Variants in FGF14 observed in about 807,000 individuals in gnomAD.
FGF14 encodes the protein fibroblast growth factor homologous factor 4.
In FGF14, 5 loss-of-function variants were observed where a neutral mutation model predicts 25.5. The observed-to-expected ratio is 0.20, with a 90% confidence interval of 0.10 to 0.41. The LOEUF (loss-of-function observed/expected upper bound fraction) is 0.41. Ranked by LOEUF, FGF14 falls within the 10% of genes least tolerant of loss-of-function variation. FGF14 has a pLI of 1.00. For synonymous variants in FGF14, 138 were observed against 118.3 expected (o/e 1.17, Z -1.08); for missense variants, 222 against 320.1 (o/e 0.69, Z 2.34).
At chr13:101,844,256 T>C (rs991287806) in intron 3 of FGF14, among the ~76,000 whole-genome samples, 6 of 151,998 alleles carry the variant, frequency 3.9e-5, no homozygotes, top group African/African-American at 1.2e-4. Context: ...GGAAAAGTAG[T>C]ATAATCAGTG....
intron 3 of FGF14, among the ~76,000 whole-genome samples, chr13:101,736,294 A>C (rs1227918764): frequency 6.6e-6 from 1 of 152,220 alleles, no homozygotes; most frequent in East Asian, 1.9e-4. Flanking sequence ...TCAAAAGAGA[A>C]ATAATAAAAT....
chr13:101,827,080 A>T (rs1051922527), intron 3 of FGF14, among the ~76,000 whole-genome samples: 1 of 152,018 alleles, frequency 6.6e-6, no homozygotes. Flanking sequence ...GCTTCCAGCT[A>T]GAAGAGAAAG....
chr13:102,044,908 G>C (rs1178741689), intron 1 of FGF14, among the ~76,000 whole-genome samples: 1 of 152,060 alleles, frequency 6.6e-6, no homozygotes, highest in Non-Finnish European at 1.5e-5. Flanking sequence ...AAATTTTGCC[G>C]ATGTTGGTGT....
chr13:101,985,502 G>C (rs560770112), intron 1 of FGF14, among the ~76,000 whole-genome samples: 1 of 152,028 alleles, frequency 6.6e-6, no homozygotes, highest in East Asian at 1.9e-4. Flanking sequence ...GTATCTTGCT[G>C]TGTTTCACTG....
rs931180296 is a variant in FGF14, at chr13:102,277,194, G to A, written c.208+124277C>T. Among the ~76,000 whole-genome samples the A allele has an allele frequency of 3.3e-5, 5 of 152,300 alleles. No individual in the cohort carries two copies. The South Asian group carries it at 1.0e-3, about 32-fold the overall frequency. ...AAATTGTTTTTAGAATGACTATCAA[G>A]AAGATCTATTTTAGAAATCACTATT... On this transcript the variant is annotated intron_variant, in intron 1 of 4. Coordinates refer to the FGF14 transcript ENST00000376131.
Position 101,967,300 on chromosome 13 carries a change from CAGAT to C in FGF14, c.209-92008_209-92005del, listed in dbSNP as rs3063875. ...TCTAAAGTCATTTGTAAACTAATCT[CAGAT>C]AGATAATCCTTGTATACATTAAGAG... On this transcript the variant is annotated intron_variant, in intron 1 of 4. Coordinates refer to the FGF14 transcript ENST00000376131. Among the ~76,000 whole-genome samples the C allele has an allele frequency of 3.5e-4, 54 of 152,310 alleles. 1 individual carries two copies. The highest frequency in any genetic ancestry group is 1.2e-3 in the African/African-American group (50 of 41,568).
At chr13:101,946,316 TG>T (rs2035801572) in intron 1 of FGF14, among the ~76,000 whole-genome samples, 1 of 149,824 alleles carries the variant, frequency 6.7e-6, no homozygotes. Flanking sequence ...AACGTCCTGT[TG>T]TATTGCCCTT....
chr13:102,256,809 C>T (rs1762318762), intron 1 of FGF14, among the ~76,000 whole-genome samples: 1 of 152,056 alleles, frequency 6.6e-6, no homozygotes, highest in Admixed American at 6.6e-5. Context: ...AAAATTAGTC[C>T]ATGTAGAACA....
intron 1 of FGF14, among the ~76,000 whole-genome samples, chr13:102,159,257 T>C (rs924143788): frequency 1.3e-5 from 2 of 151,886 alleles, no homozygotes; most frequent in South Asian, 2.1e-4. Context: ...ATTAGTGATA[T>C]GAACAAATGA....
At chr13:102,330,992 C>G (rs2056617917) in intron 1 of FGF14, among the ~76,000 whole-genome samples, 1 of 152,126 alleles carries the variant, frequency 6.6e-6, no homozygotes, top group Non-Finnish European at 1.5e-5. Flanking sequence ...TTAATTAACA[C>G]CAGAGCTTTG....
rs1300660762 is a variant in FGF14, at chr13:102,201,066, A to T, written c.208+200405T>A. Among the ~76,000 whole-genome samples, 3 of 127,870 alleles carry T rather than the reference A, an allele frequency of 2.3e-5. No homozygotes were observed. In the Admixed American group the frequency reaches 3.1e-4, roughly 13 times the overall value. 83.9% of individuals were successfully genotyped at this position (127,870 alleles called of 152,430 possible). ...GCTTGAGCTGAGATCGCGCCACTGC[A>T]CTCCAGCTTGGGCGACAGAGCGAGA... On this transcript the variant is annotated intron_variant, in intron 1 of 4. Coordinates refer to the FGF14 transcript ENST00000376131.
chr13:101,863,929 T>G (rs919867501), intron 3 of FGF14, among the ~76,000 whole-genome samples: 2 of 151,976 alleles, frequency 1.3e-5, no homozygotes, highest in African/African-American at 4.8e-5. Flanking sequence ...TCAGGACACA[T>G]CAATAAGAGA....
chr13:101,949,453 G>C (rs1028433437), intron 1 of FGF14, among the ~76,000 whole-genome samples: 1 of 152,130 alleles, frequency 6.6e-6, no homozygotes, highest in Non-Finnish European at 1.5e-5. Flanking sequence ...GGCTGAACGA[G>C]TGGTTCTTTG....
intron 1 of FGF14, among the ~76,000 whole-genome samples, chr13:102,137,368 T>G (rs2046456949): frequency 6.6e-6 from 1 of 152,242 alleles, no homozygotes; most frequent in African/African-American, 2.4e-5. Context: ...CAAATAAAAT[T>G]ACTTGAGCAA....
intron 3 of FGF14, among the ~76,000 whole-genome samples, chr13:101,829,108 C>A (rs1362434472): frequency 6.6e-6 from 1 of 151,978 alleles, no homozygotes; most frequent in African/African-American, 2.4e-5. Flanking sequence ...GCACTGACAT[C>A]CAGGAATAAA....
In FGF14 at chr13:102,226,250, T is replaced by C. The variant is rs117291804; in HGVS notation, c.208+175221A>G. ...TGGCTCTATGATCCTAAGGTAGCCA[T>C]CTGACTTTTCCATGCCTCAGTTTCC... is the stretch of plus-strand genomic sequence containing the variant. On this transcript the variant is annotated intron_variant, in intron 1 of 4. Coordinates refer to the FGF14 transcript ENST00000376131. 5.6e-3 allele frequency among the ~76,000 whole-genome samples: 849 copies of C among 152,272 alleles called. 4 individuals carry two copies. Among genetic ancestry groups the C allele is most frequent in the Non-Finnish European group, 7.7e-3 (526 of 68,032 alleles).
intron 1 of FGF14, among the ~76,000 whole-genome samples, chr13:102,081,745 A>C: frequency 6.6e-6 from 1 of 152,092 alleles, no homozygotes; most frequent in East Asian, 1.9e-4. Context: ...AGAACTACAA[A>C]CTCTTTATAT....
intron 3 of FGF14, among the ~76,000 whole-genome samples, chr13:101,796,418 T>TG (rs1225874123): frequency 6.6e-6 from 1 of 151,988 alleles, no homozygotes; most frequent in Non-Finnish European, 1.5e-5. Flanking sequence ...GAGCATGCAC[T>TG]GGGGGGTCCT....
At chr13:101,987,807 A>T (rs987463646) in intron 1 of FGF14, among the ~76,000 whole-genome samples, 2 of 152,038 alleles carry the variant, frequency 1.3e-5, no homozygotes, top group African/African-American at 4.8e-5. Flanking sequence ...AGGAAAATTC[A>T]TAGTAGACAT....
Sources: gnomAD v4.1 joint callset for allele counts (sites outside exome capture counted in the v4.1 genomes callset) on GRCh38, gnomAD v4.1.1 for gene constraint, MANE v1.5 for transcripts, NCBI Gene and HGNC (gene_info 2026-07-23, HGNC 2026-07-21) for gene names.